ATXN10: variants seen among roughly 807,000 people sequenced by gnomAD.
The protein encoded by ATXN10 is ataxin 10.
In ATXN10, 28 loss-of-function variants were observed where a neutral mutation model predicts 52.9. The observed-to-expected ratio is 0.53, with a 90% confidence interval of 0.39 to 0.73. The LOEUF (loss-of-function observed/expected upper bound fraction) is 0.73, where lower values mean the gene tolerates loss of function less well. Ranked by LOEUF, ATXN10 falls within the 30% of genes least tolerant of loss-of-function variation. The pLI is 0.00. For synonymous variants in ATXN10, 226 were observed against 221.5 expected (o/e 1.02, Z -0.18); for missense variants, 565 against 577.0 (o/e 0.98, Z 0.21).
rs1469641087 is a variant in ATXN10, at chr22:45,774,384, C to T, written c.1174-32575C>T. 2.0e-5 allele frequency among the ~76,000 whole-genome samples: 3 copies of T among 152,224 alleles called. No individual in the cohort carries two copies. Among genetic ancestry groups the T allele is most frequent in the Admixed American group, 6.5e-5 (1 of 15,286 alleles). On this transcript the variant is annotated intron_variant, in intron 9 of 11. Coordinates refer to ENST00000252934, the MANE Select transcript of ATXN10 (RefSeq NM_013236.4). The surrounding 1 kb of genome is among the most constrained non-coding windows in gnomAD (Gnocchi z 6.2). Reference sequence around the variant, plus strand: ...AGACAGATAATGCAGACACAGTGTGCGAGCAAGCAGTCCTGTGGGAGAGCT... The same window carrying T: ...AGACAGATAATGCAGACACAGTGTGTGAGCAAGCAGTCCTGTGGGAGAGCT...
chr22:45,701,236 A>G lies in ATXN10; in HGVS notation c.488+858A>G, dbSNP rs1289214097. ...TTTCTGTTCTCACAATAGCCTGCAG[A>G]GTAAGTGTTACTGTCTCCCCATTTG... On this transcript the variant is annotated intron_variant, in intron 4 of 11. Coordinates refer to ENST00000252934, the MANE Select transcript of ATXN10 (RefSeq NM_013236.4). The surrounding 1 kb of genome is among the most constrained non-coding windows in gnomAD (Gnocchi z 4.2). 1.3e-5 allele frequency among the ~76,000 whole-genome samples: 2 copies of G among 152,192 alleles called. No homozygotes were observed. Among genetic ancestry groups the G allele is most frequent in the Admixed American group, 1.3e-4 (2 of 15,284 alleles).
At position 45,769,221 on chromosome 22, in the gene ATXN10, C is replaced by A. The variant is rs10483230; in HGVS notation, c.1173+28683C>A. On this transcript the variant is annotated intron_variant, in intron 9 of 11. Coordinates refer to ENST00000252934, the MANE Select transcript of ATXN10 (RefSeq NM_013236.4). This position sits in a 1 kb window ranked among gnomAD's most constrained non-coding sequence, Gnocchi z 4.2. ...TTGAGAGCTCTTGGTGGGTAGGGGA[C>A]TCATCATGGAATCTGAAAGGCAGCT... Among the ~76,000 whole-genome samples the A allele has an allele frequency of 0.097, 14,781 of 151,972 alleles. 927 individuals are homozygous for A. The highest frequency in any genetic ancestry group is 0.16 in the Middle Eastern group (46 of 294).
At chr22:45,758,409 A>G (rs1277127094) in intron 9 of ATXN10, among the ~76,000 whole-genome samples, 1 of 152,228 alleles carries the variant, frequency 6.6e-6, no homozygotes. Flanking sequence ...TCATGGCTTG[A>G]GCTATAGCCA....
chr22:45,821,094 C>T (rs548207634), intron 10 of ATXN10, among the ~76,000 whole-genome samples: 17 of 152,278 alleles, frequency 1.1e-4, no homozygotes, highest in African/African-American at 3.9e-4. Context: ...TAGAGATGTG[C>T]ACTTTCTGAC....
chr22:45,700,113 T>C (rs1293294086), intron 3 of ATXN10, among the ~76,000 whole-genome samples, 169 bp from the exon 4 acceptor site: 2 of 152,210 alleles, frequency 1.3e-5, no homozygotes, highest in Admixed American at 1.3e-4. Flanking sequence ...CTCCCAGCCA[T>C]GGCATATTCA....
intron 3 of ATXN10, among the ~76,000 whole-genome samples, chr22:45,700,052 TC>T (rs1292085576): frequency 6.6e-6 from 1 of 151,936 alleles, no homozygotes; most frequent in African/African-American, 2.4e-5. Context: ...CCTCAAGTGA[TC>T]CACCCGCCTT....
chr22:45,827,625 G>A (rs1382126977), intron 10 of ATXN10, among the ~76,000 whole-genome samples: 4 of 152,102 alleles, frequency 2.6e-5, no homozygotes, highest in Non-Finnish European at 5.9e-5. Flanking sequence ...TGCACAGACC[G>A]ATAACAGGCC....
rs566908093 is a variant in ATXN10 at position 45,818,595 on chromosome 22, C to G, written c.1237+11573C>G. On this transcript the variant is annotated intron_variant, in intron 10 of 11. Transcript: ENST00000252934. This position sits in a 1 kb window ranked among gnomAD's most constrained non-coding sequence, Gnocchi z 4.6. ...GTGACCACCCTCGCTTTCAGCGGAC[C>G]GGGGCAGGGATCAGGGATCAACAGC... is the stretch of plus-strand genomic sequence containing the variant. 6.6e-6 allele frequency among the ~76,000 whole-genome samples: 1 copy of G among 152,090 alleles called. No homozygotes were observed. The highest frequency in any genetic ancestry group is 1.5e-5 in the Non-Finnish European group (1 of 67,992).
At chr22:45,687,698 C>A (rs1057416787) in intron 1 of ATXN10, among the ~76,000 whole-genome samples, 2 of 152,148 alleles carry the variant, frequency 1.3e-5, no homozygotes, top group African/African-American at 4.8e-5. Context: ...GTGTTTTAAA[C>A]TCCTGGTTAT....
At chr22:45,689,083 C>T (rs947699612) in intron 1 of ATXN10, among the ~76,000 whole-genome samples, 1 of 152,172 alleles carries the variant, frequency 6.6e-6, no homozygotes, top group Non-Finnish European at 1.5e-5. Context: ...TTCTCCCCCT[C>T]TCCTTTCTCT....
rs112583421 is a variant in ATXN10, at chr22:45,684,629, T to C, written c.117-5083T>C. 0.041 allele frequency among the ~76,000 whole-genome samples: 6,236 copies of C among 151,960 alleles called. 150 individuals are homozygous for C. Among genetic ancestry groups the C allele is most frequent in the Non-Finnish European group, 0.044 (3,008 of 67,956 alleles). On this transcript the variant is annotated intron_variant, in intron 1 of 11. Coordinates refer to ENST00000252934, the MANE Select transcript of ATXN10 (RefSeq NM_013236.4). The surrounding 1 kb of genome is among the most constrained non-coding windows in gnomAD (Gnocchi z 4.1). The stretch of plus-strand genomic sequence containing the variant: ...GTTTGTGCACTGGGGGAGTTGAGAG[T>C]GTGACAGAGGCTGTTTGGCCATCAG...
Position 45,818,856 on chromosome 22 carries a change from A to G in ATXN10, c.1237+11834A>G, listed in dbSNP as rs1249204400. On this transcript the variant is annotated intron_variant, in intron 10 of 11. Transcript: ENST00000252934. The surrounding 1 kb of genome is among the most constrained non-coding windows in gnomAD (Gnocchi z 4.6). ...GGACACTGATTGCCTGTTCCTAAGG[A>G]CCTGCTCCTTAGAGCCAAGCCCCGT... is the stretch of plus-strand genomic sequence containing the variant. Among the ~76,000 whole-genome samples, 1 of 152,118 alleles carries G rather than the reference A, an allele frequency of 6.6e-6. No individual in the cohort carries two copies. The highest frequency in any genetic ancestry group is 6.5e-5 in the Admixed American group (1 of 15,272).
At chr22:45,791,604 A>G (rs1927513174) in intron 9 of ATXN10, among the ~76,000 whole-genome samples, 1 of 152,218 alleles carries the variant, frequency 6.6e-6, no homozygotes, top group Non-Finnish European at 1.5e-5. Flanking sequence ...ACTTGAATCT[A>G]TTCTTGCATT....
chr22:45,740,727 TACAC>T lies in ATXN10; in HGVS notation c.1173+198_1173+201del, dbSNP rs1311708053. The T allele has an allele frequency of 3.7e-5, 14 of 379,892 alleles. 2 individuals carry two copies. Among genetic ancestry groups the T allele is most frequent in the African/African-American group, 1.9e-4 (7 of 36,128 alleles). 23.5% of individuals were successfully genotyped at this position (379,892 alleles called of 1,614,324 possible). On this transcript the variant is annotated intron_variant, in intron 9 of 11. Coordinates refer to ENST00000252934, the MANE Select transcript of ATXN10 (RefSeq NM_013236.4). ...ACACACACACACACACACATATATA[TACAC>T]ACACACACGTGTGTGTGTGTGTGTA...
At chr22:45,761,240 C>A (rs1326695255) in intron 9 of ATXN10, among the ~76,000 whole-genome samples, 1 of 152,152 alleles carries the variant, frequency 6.6e-6, no homozygotes, top group African/African-American at 2.4e-5. Flanking sequence ...CCAGCCTCAG[C>A]CTCCCAAGTA....
chr22:45,714,622 T>C (rs1029216327), intron 5 of ATXN10, among the ~76,000 whole-genome samples: 6 of 152,210 alleles, frequency 3.9e-5, no homozygotes, highest in African/African-American at 1.4e-4. Flanking sequence ...CCTTAAGCAG[T>C]CCTTCCACCT....
Position 45,693,227 on chromosome 22 carries a change from AG to A in ATXN10, c.391+150del, listed in dbSNP as rs535472840. The A allele has an allele frequency of 1.4e-5, 10 of 738,196 alleles. No individual in the cohort carries two copies. In the African/African-American group the frequency reaches 1.6e-4, roughly 12 times the overall value. 45.7% of individuals were successfully genotyped at this position (738,196 alleles called of 1,614,324 possible). On this transcript the variant is annotated intron_variant, in intron 3 of 11. Coordinates refer to ENST00000252934, the MANE Select transcript of ATXN10 (RefSeq NM_013236.4). ...ATAGTGAATTATTAAAGAATTATAA[AG>A]TTGTATCAACTTCCCTTCCTGAATG...
Position 45,789,244 on chromosome 22 carries a change from G to A in ATXN10, c.1174-17715G>A, listed in dbSNP as rs73889614. ...ATAGGAATTACCATAATTTGTAAAT[G>A]TATTTTTAGTTATTAATTTACTCAC... On this transcript the variant is annotated intron_variant, in intron 9 of 11. Coordinates refer to ENST00000252934, the MANE Select transcript of ATXN10 (RefSeq NM_013236.4). This position sits in a 1 kb window ranked among gnomAD's most constrained non-coding sequence, Gnocchi z 4.0. 0.017 allele frequency among the ~76,000 whole-genome samples: 2,611 copies of A among 152,262 alleles called. 86 individuals carry two copies. Among genetic ancestry groups the A allele is most frequent in the African/African-American group, 0.06 (2,500 of 41,538 alleles).
chr22:45,697,270 G>A (rs1923647463), intron 3 of ATXN10, among the ~76,000 whole-genome samples: 1 of 151,962 alleles, frequency 6.6e-6, no homozygotes, highest in African/African-American at 2.4e-5. Context: ...GAGTAGTTGG[G>A]ATTACAGGCA....
Sources: allele counts gnomAD v4.1 joint callset (sites outside exome capture counted in the v4.1 genomes callset), GRCh38; gene constraint gnomAD v4.1.1; non-coding constraint Gnocchi (gnomAD v3.1); transcripts MANE v1.5; gene names NCBI Gene and HGNC (gene_info 2026-07-23, HGNC 2026-07-21).